Variants in NPHS1 observed in about 807,000 individuals in gnomAD.
NPHS1 encodes nephrin.
A neutral mutation model predicts 139.7 loss-of-function variants in NPHS1; 107 were observed. That is an observed-to-expected ratio of 0.77 (90% CI 0.66 to 0.90). NPHS1 has a LOEUF of 0.90. Ranked by LOEUF, NPHS1 falls within the 40% of genes least tolerant of loss-of-function variation. The probability of loss-of-function intolerance (pLI) is 0.00; values close to 1 mark genes in which losing one functional copy is unlikely to be tolerated. For synonymous variants in NPHS1, 707 were observed against 706.6 expected (o/e 1.00, Z -0.01); for missense variants, 1,580 against 1,654.2 (o/e 0.96, Z 0.78).
At chr19:35,831,903 C>T in intron 23 of NPHS1, 141 bp from the exon 24 acceptor site, 2 of 850,314 alleles carry the variant, frequency 2.4e-6, no homozygotes, top group Non-Finnish European at 1.8e-6. Flanking sequence ...CTGTGCCCAC[C>T]CTTTCTGCCC....
At chr19:35,832,073 G>A (rs546407221) in intron 23 of NPHS1, among the ~76,000 whole-genome samples, 2 of 152,272 alleles carry the variant, frequency 1.3e-5, no homozygotes, top group African/African-American at 2.4e-5. Flanking sequence ...CTCTTCCCAC[G>A]CCTCCAGCCA....
Position 35,845,969 on chromosome 19 carries a change from C to G in NPHS1, c.1627+39G>C. 2.0e-6 allele frequency: 3 copies of G among 1,492,378 alleles called. No individual in the cohort carries two copies. The highest frequency in any genetic ancestry group is 2.7e-6 in the Non-Finnish European group (3 of 1,095,716). 92.4% of individuals were successfully genotyped at this position (1,492,378 alleles called of 1,614,324 possible). A position where few individuals can be genotyped will look rare whatever the true frequency, so the allele number is the denominator to read the frequency against. On this transcript the variant is annotated intron_variant, in intron 12 of 28. Transcript: ENST00000378910. This position sits in a 1 kb window ranked among gnomAD's most constrained non-coding sequence, Gnocchi z 5.5. ...CCCTGCCCCACCTGGCTCTGTCCCT[C>G]CCGCCCCGCCCCCGGGCCTCAGCAG... is the stretch of plus-strand genomic sequence containing the variant.
At chr19:35,840,246 C>T (rs1352218387) in intron 20 of NPHS1, among the ~76,000 whole-genome samples, 1 of 151,664 alleles carries the variant, frequency 6.6e-6, no homozygotes, top group Non-Finnish European at 1.5e-5. Flanking sequence ...CTCAGGTGAT[C>T]CACCCGCCTT....
chr19:35,849,829 G>C (rs1295707340), intron 5 of NPHS1, among the ~76,000 whole-genome samples, 176 bp from the exon 6 acceptor site: 1 of 152,194 alleles, frequency 6.6e-6, no homozygotes, highest in African/African-American at 2.4e-5. Context: ...AGTGAGAATT[G>C]GAGCCTAGAG....
rs1015417622 is a variant in NPHS1, at chr19:35,825,739, T to C, written c.*775A>G. Among the ~76,000 whole-genome samples the C allele has an allele frequency of 2.0e-5, 3 of 152,336 alleles. No individual in the cohort carries two copies. Among genetic ancestry groups the C allele is most frequent in the East Asian group, 3.9e-4 (2 of 5,188 alleles). ...TTATGTTTACATGTGTCATAGTTTA[T>C]GCCTCCTGTGTTAGATAACTGTCGG... On this transcript the variant is annotated 3_prime_UTR_variant, in exon 29 of 29. Transcript: ENST00000378910.
At chr19:35,841,661 G>A (rs1213358422) in intron 20 of NPHS1, 54 bp downstream of exon 20, 1 of 1,603,294 alleles carries the variant, frequency 6.2e-7, no homozygotes, top group African/African-American at 1.3e-5. Flanking sequence ...TCAGGGATGT[G>A]GGAATGGATC....
Position 35,848,128 on chromosome 19 carries a change from C to G in NPHS1, c.1353G>C (p.Glu451Asp). 6.2e-7 allele frequency: 1 copy of G among 1,614,084 alleles called. No individual in the cohort carries two copies. Among genetic ancestry groups the G allele is most frequent in the Non-Finnish European group, 8.5e-7 (1 of 1,180,018 alleles). Reference protein sequence around the residue: ...AQKLWIEGPPEGQKLRAGTRV... With the variant: ...AQKLWIEGPPDGQKLRAGTRV... ...GGGTCCCAGCCCGGAGCTTCTGGCCCTCTGGGGGACCCTCAATCCACAGTT... is the reference window on the plus strand; with the variant it reads ...GGGTCCCAGCCCGGAGCTTCTGGCCGTCTGGGGGACCCTCAATCCACAGTT... Residue 451 changes from glutamate to aspartate, a missense_variant, in exon 11 of 29, where the codon GAG becomes GAC. Glu to Asp is a conservative substitution (Grantham distance 45). Coordinates refer to ENST00000378910, the MANE Select transcript of NPHS1 (RefSeq NM_004646.4).
At position 35,845,925 on chromosome 19, in the gene NPHS1, G is replaced by T; in HGVS notation, c.1627+83C>A. 1 of 1,527,542 alleles carries T rather than the reference G, an allele frequency of 6.5e-7. No homozygotes were observed. The highest frequency in any genetic ancestry group is 8.8e-7 in the Non-Finnish European group (1 of 1,133,936). 94.6% of individuals were successfully genotyped at this position (1,527,542 alleles called of 1,614,324 possible). On this transcript the variant is annotated intron_variant, in intron 12 of 28. Coordinates refer to ENST00000378910, the MANE Select transcript of NPHS1 (RefSeq NM_004646.4). The surrounding 1 kb of genome is among the most constrained non-coding windows in gnomAD (Gnocchi z 5.5). The stretch of plus-strand genomic sequence containing the variant: ...ACCCCGCCTCCGCCCGCTTTCCCCG[G>T]GTCCAGGGTTCGCTGGGTCCCTGCC...
chr19:35,840,776 C>A (rs958272417), intron 20 of NPHS1, among the ~76,000 whole-genome samples: 4 of 151,202 alleles, frequency 2.6e-5, no homozygotes, highest in African/African-American at 9.7e-5. Flanking sequence ...GCAACCTCCA[C>A]CTCCTGGGTT....
chr19:35,837,679 T>A (rs1167248136), intron 22 of NPHS1, among the ~76,000 whole-genome samples: 1 of 152,034 alleles, frequency 6.6e-6, no homozygotes, highest in African/African-American at 2.4e-5. Flanking sequence ...CTCTGCTCAC[T>A]GCAACCTCTG....
In NPHS1 at chr19:35,847,719, A is replaced by G. The variant is rs561212201; in HGVS notation, c.1440+322T>C. ...CAAGTCTTTCCCTAAAATTCCTGAC[A>G]TTTCACCTGAATTCTGAGGGTTTTC... On this transcript the variant is annotated intron_variant, in intron 11 of 28. Coordinates refer to ENST00000378910, the MANE Select transcript of NPHS1 (RefSeq NM_004646.4). 4.7e-5 allele frequency among the ~76,000 whole-genome samples: 7 copies of G among 149,264 alleles called. No individual in the cohort carries two copies. The East Asian group carries it at 1.4e-3, about 29-fold the overall frequency.
chr19:35,830,700 T>C, intron 28 of NPHS1, 144 bp downstream of exon 28: 1 of 729,504 alleles, frequency 1.4e-6, no homozygotes, highest in Middle Eastern at 3.7e-4. Context: ...TGGACCATCA[T>C]GCCCAGCCGA....
At chr19:35,843,366 T>C in intron 17 of NPHS1, 106 bp downstream of exon 17, 1 of 1,381,540 alleles carries the variant, frequency 7.2e-7, no homozygotes. Context: ...AGTATATAGT[T>C]ATAAGGGTCA....
rs1386952727 is a variant in NPHS1 at position 35,848,085 on chromosome 19, A to G, written c.1396T>C (p.Leu466=). 31 of 1,614,004 alleles carry G rather than the reference A, an allele frequency of 1.9e-5. No individual in the cohort carries two copies. The highest frequency in any genetic ancestry group is 2.6e-5 in the Non-Finnish European group (31 of 1,180,010). ...RAGTRVRLVC[L]AIGGNPEPSL... Reference sequence around the variant, plus strand: ...GGCTCTGGGTTGCCCCCGATAGCCAAACACACCAGCCTCACCCGGGTCCCA... The same window carrying G: ...GGCTCTGGGTTGCCCCCGATAGCCAGACACACCAGCCTCACCCGGGTCCCA... Residue 466 remains leucine, a synonymous_variant, in exon 11 of 29, where the codon TTG becomes CTG. Coordinates refer to ENST00000378910, the MANE Select transcript of NPHS1 (RefSeq NM_004646.4).
Position 35,848,659 on chromosome 19 carries a change from G to A in NPHS1, c.1148C>T (p.Pro383Leu). The part of the protein sequence containing the change: ...RWWLGWRQLL[P>L]MEETVMDGLH... ...CACATCCATGACTGTCTCCTCCATG[G>A]GCAGCAGCTGCCGCCAGCCCAGCCA... is the stretch of plus-strand genomic sequence containing the variant. The change falls in exon 9 of 29, where the codon CCC becomes CTC. Residue 383 changes from proline to leucine, a missense_variant. Physicochemically the swap from Pro to Leu is moderately conservative, Grantham distance 98. Transcript: ENST00000378910. The A allele has an allele frequency of 2.5e-6, 4 of 1,613,858 alleles. No individual in the cohort carries two copies. Among genetic ancestry groups the A allele is most frequent in the Non-Finnish European group, 3.4e-6 (4 of 1,180,020 alleles).
Position 35,842,185 on chromosome 19 carries a change from C to T in NPHS1, c.2602G>A (p.Val868Ile). ...GTCCAAGTGAAAACGATGTTGGGGA[C>T]ACCTCGGGCACGGCAGTGGAGGGTG... ...SATLHCRARG[V>I]PNIVFTWTKN... Residue 868 changes from valine to isoleucine, a missense_variant, in exon 19 of 29, where the codon GTC becomes ATC. Transcript: ENST00000378910. 6.2e-7 allele frequency: 1 copy of T among 1,611,468 alleles called. No homozygotes were observed. Among genetic ancestry groups the T allele is most frequent in the Non-Finnish European group, 8.5e-7 (1 of 1,179,048 alleles).
chr19:35,841,764 GGCTGTACAT>G lies in NPHS1; in HGVS notation c.2757_2765del (p.Cys920_Ala922del). On this transcript the variant is annotated inframe_deletion, in exon 20 of 29. Transcript: ENST00000378910. The stretch of plus-strand genomic sequence containing the variant: ...TTTGGTCCGAGCCAAGGGCGTTGGT[GGCTGTACAT>G]GTGAAGAGGGCGTAATCCTGGGCGG... The G allele has an allele frequency of 6.2e-7, 1 of 1,614,188 alleles. No individual in the cohort carries two copies. Among genetic ancestry groups the G allele is most frequent in the Non-Finnish European group, 8.5e-7 (1 of 1,180,046 alleles).
At chr19:35,833,770 C>T (rs575134790) in intron 23 of NPHS1, among the ~76,000 whole-genome samples, 1 of 152,218 alleles carries the variant, frequency 6.6e-6, no homozygotes, top group East Asian at 1.9e-4. Flanking sequence ...GAGCTCGGCT[C>T]ATTGAAGGCT....
At position 35,825,821 on chromosome 19, in the gene NPHS1, A is replaced by G. The variant is rs1972794143; in HGVS notation, c.*693T>C. ...GGATTCATAAATTCCACTTATTATTAGCTATTTCAGACGTCATGGAATGCA... is the reference window on the plus strand; with the variant it reads ...GGATTCATAAATTCCACTTATTATTGGCTATTTCAGACGTCATGGAATGCA... On this transcript the variant is annotated 3_prime_UTR_variant, in exon 29 of 29. Coordinates refer to ENST00000378910, the MANE Select transcript of NPHS1 (RefSeq NM_004646.4). 6.6e-6 allele frequency: 1 copy of G among 152,300 alleles called. No homozygotes were observed. The highest frequency in any genetic ancestry group is 2.4e-5 in the African/African-American group (1 of 41,462). The allele number at this position is 152,300 out of a possible 1,614,324, so 9.4% of individuals were successfully genotyped here.
Sources: allele counts gnomAD v4.1 joint callset (sites outside exome capture counted in the v4.1 genomes callset), GRCh38; gene constraint gnomAD v4.1.1; non-coding constraint Gnocchi (gnomAD v3.1); transcripts MANE v1.5; gene names NCBI Gene and HGNC (gene_info 2026-07-23, HGNC 2026-07-21).